PAN3: variants seen among roughly 807,000 people sequenced by gnomAD.
PAN3 encodes the protein poly(A) specific ribonuclease subunit PAN3, also known as PAN2-PAN3 deadenylation complex subunit PAN3.
Under a neutral mutation model 96.2 loss-of-function variants are expected in PAN3, and 19 were observed. The ratio of observed to expected loss-of-function variants is 0.20; its 90% CI spans 0.14 to 0.29. The LOEUF (loss-of-function observed/expected upper bound fraction) is 0.29, where lower values mean the gene tolerates loss of function less well. Ranked by LOEUF, PAN3 falls within the 10% of genes least tolerant of loss-of-function variation. The probability of loss-of-function intolerance (pLI) is 1.00; values close to 1 mark genes in which losing one functional copy is unlikely to be tolerated. For missense variants in PAN3, 882 were observed against 1,108.1 expected, an observed-to-expected ratio of 0.80 and a Z score of 2.90; for synonymous variants, 433 against 406.6, an observed-to-expected ratio of 1.06 and a Z score of -0.78.
chr13:28,190,349 C>T (rs1167238145), intron 4 of PAN3, among the ~76,000 whole-genome samples: 1 of 152,002 alleles, frequency 6.6e-6, no homozygotes, highest in Non-Finnish European at 1.5e-5. Context: ...TTAAAGTGAT[C>T]CTCTCACTTC....
rs1566269238 is a variant in PAN3, at chr13:28,293,391, T to TTTTTG, written c.*873_*874insGTTTT. ...TAGGTTCTTTCCAGTTTGCTGGTTT[T>TTTTTG]TTTTTTTTTTTTTTTTTTTTTTTTT... On this transcript the variant is annotated 3_prime_UTR_variant, in exon 19 of 19. Coordinates refer to ENST00000380958, the MANE Select transcript of PAN3 (RefSeq NM_175854.8). The TTTTTG allele has an allele frequency of 6.1e-4, 17 of 27,894 alleles. 1 individual carries two copies. The highest frequency in any genetic ancestry group is 1.4e-3 in the Admixed American group (2 of 1,472). The allele number at this position is 27,894 out of a possible 1,614,324, so 1.7% of individuals were successfully genotyped here.
chr13:28,157,782 A>G (rs533870888), intron 1 of PAN3, among the ~76,000 whole-genome samples: 1 of 152,324 alleles, frequency 6.6e-6, no homozygotes, highest in Admixed American at 6.5e-5. Flanking sequence ...TACTGCCCAA[A>G]ACAAAATAAA....
chr13:28,239,655 A>C, intron 6 of PAN3: 1 of 1,289,632 alleles, frequency 7.8e-7, no homozygotes, highest in South Asian at 1.2e-5. Context: ...GATTCGACTA[A>C]AGGATGGATA....
intron 6 of PAN3, among the ~76,000 whole-genome samples, chr13:28,233,126 C>T (rs574792002): frequency 6.6e-6 from 1 of 152,030 alleles, no homozygotes; most frequent in East Asian, 1.9e-4. Context: ...TTAGGAAAAT[C>T]ATGGGTAGTA....
chr13:28,244,634 A>G (rs577599656), intron 6 of PAN3, among the ~76,000 whole-genome samples: 9 of 152,104 alleles, frequency 5.9e-5, no homozygotes, highest in African/African-American at 1.4e-4. Flanking sequence ...TCAAACATCT[A>G]TCTTCATTAC....
At chr13:28,253,097 A>G (rs1053708149) in intron 6 of PAN3, among the ~76,000 whole-genome samples, 2 of 152,216 alleles carry the variant, frequency 1.3e-5, no homozygotes, top group African/African-American at 4.8e-5. Flanking sequence ...TTATTATATC[A>G]AATGGTTTCC....
intron 1 of PAN3, among the ~76,000 whole-genome samples, chr13:28,149,861 C>T (rs1871143605): frequency 6.6e-6 from 1 of 152,162 alleles, no homozygotes; most frequent in Admixed American, 6.6e-5. Flanking sequence ...AAGTGAACCT[C>T]TCACCTTAGT....
chr13:28,220,419 G>A, intron 6 of PAN3, 41 bp downstream of exon 6: 1 of 1,589,592 alleles, frequency 6.3e-7, no homozygotes, highest in Middle Eastern at 1.7e-4. Context: ...CAGATACCAT[G>A]TCTGTAAGCA....
Position 28,138,694 on chromosome 13 carries a change from G to T in PAN3, c.37G>T (p.Ala13Ser). 9.7e-7 allele frequency: 1 copy of T among 1,025,748 alleles called. No individual in the cohort carries two copies. Among genetic ancestry groups the T allele is most frequent in the East Asian group, 3.3e-5 (1 of 30,132 alleles). 63.5% of individuals were successfully genotyped at this position (1,025,748 alleles called of 1,614,324 possible). A position where few individuals can be genotyped will look rare whatever the true frequency, so the allele number is the denominator to read the frequency against. Residue 13 changes from alanine to serine, a missense_variant, in exon 1 of 19, where the codon GCC (alanine) becomes TCC (serine). By Grantham distance (99) the Ala-to-Ser change is moderately conservative (BLOSUM62 1). This residue lies in a region of PAN3 where 442 missense variants were observed against 422.8 expected (regional missense o/e 1.05). Transcript: ENST00000380958. ...SGGGLPPPSA[A>S]ASPSSSSLAA... is the part of the protein sequence containing the mutation. ...CGGCGGCCTCCCGCCCCCCTCGGCC[G>T]CCGCCTCCCCTTCCTCCTCCTCGCT...
chr13:28,237,855 TAAA>T (rs751215927), intron 6 of PAN3, among the ~76,000 whole-genome samples: 7 of 152,122 alleles, frequency 4.6e-5, no homozygotes, highest in Non-Finnish European at 8.8e-5. Flanking sequence ...ACCTTCCTAA[TAAA>T]AAACATCTGT....
At chr13:28,184,015 G>A (rs7319008) in intron 4 of PAN3, among the ~76,000 whole-genome samples, 8,970 of 152,118 alleles carry the variant, frequency 0.059, 868 homozygotes, top group African/African-American at 0.2. Context: ...CTCTGGAAAC[G>A]TGGTTCTGTA....
intron 5 of PAN3, among the ~76,000 whole-genome samples, chr13:28,213,072 G>A (rs1399179834): frequency 6.6e-6 from 1 of 151,968 alleles, no homozygotes; most frequent in African/African-American, 2.4e-5. Flanking sequence ...AATACCATTG[G>A]CTTTCCGTAT....
chr13:28,184,398 A>G (rs971825614), intron 4 of PAN3, among the ~76,000 whole-genome samples: 4 of 152,172 alleles, frequency 2.6e-5, no homozygotes, highest in African/African-American at 9.6e-5. Flanking sequence ...TGCATAGAAT[A>G]ATATAAATTA....
At chr13:28,193,914 T>G (rs569960318) in intron 4 of PAN3, among the ~76,000 whole-genome samples, 10 of 151,934 alleles carry the variant, frequency 6.6e-5, no homozygotes, top group Non-Finnish European at 1.3e-4. Flanking sequence ...CCCAGCACTT[T>G]GGGAGGCCGA....
At chr13:28,200,469 A>G (rs1469873264) in intron 5 of PAN3, among the ~76,000 whole-genome samples, 2 of 152,226 alleles carry the variant, frequency 1.3e-5, no homozygotes, top group African/African-American at 4.8e-5. Flanking sequence ...CCTTGGTCCA[A>G]GTTTCCGAGC....
At chr13:28,141,462 CTTTTTTTT>C (rs759736683) in intron 1 of PAN3, among the ~76,000 whole-genome samples, 342 of 90,322 alleles carry the variant, frequency 3.8e-3, no homozygotes, top group Non-Finnish European at 5.8e-3. Context: ...TTCTTTTTTT[CTTTTTTTT>C]TTTTTTTTTT....
chr13:28,148,308 G>A (rs1161306073), intron 1 of PAN3, among the ~76,000 whole-genome samples: 1 of 151,802 alleles, frequency 6.6e-6, no homozygotes, highest in East Asian at 1.9e-4. Flanking sequence ...TTAGAGATGG[G>A]GTCTTGCTCA....
At chr13:28,258,663 C>G (rs1885420027) in intron 7 of PAN3, among the ~76,000 whole-genome samples, 1 of 152,102 alleles carries the variant, frequency 6.6e-6, no homozygotes, top group Non-Finnish European at 1.5e-5. Context: ...ACCCAAACAC[C>G]TTTAGTTTCT....
intron 6 of PAN3, among the ~76,000 whole-genome samples, chr13:28,231,862 A>C (rs902014132): frequency 4.6e-5 from 7 of 152,164 alleles, no homozygotes; most frequent in Non-Finnish European, 2.9e-5. Flanking sequence ...TGATCACACA[A>C]TTGATCTCCA....
Sources: allele counts gnomAD v4.1 joint callset (sites outside exome capture counted in the v4.1 genomes callset), GRCh38; gene constraint gnomAD v4.1.1; regional missense constraint gnomAD v4.1.1; transcripts MANE v1.5; gene names NCBI Gene and HGNC (gene_info 2026-07-23, HGNC 2026-07-21).